Variants in PHF21B observed in about 807,000 individuals in gnomAD.
The protein encoded by PHF21B is PHD finger protein 4.
In PHF21B, 22 loss-of-function variants were observed where a neutral mutation model predicts 62.2. The observed-to-expected ratio is 0.35, with a 90% CI of 0.25 to 0.51. The LOEUF (loss-of-function observed/expected upper bound fraction) is 0.51, where lower values mean the gene tolerates loss of function less well. PHF21B is among the 20% of genes least tolerant of loss of function. The pLI is 0.97. For missense variants in PHF21B, 701 were observed against 707.9 expected (o/e 0.99, Z 0.11); for synonymous variants, 341 against 314.7 (o/e 1.08, Z -0.88).
At chr22:44,932,917 C>G (rs900102357) in intron 2 of PHF21B, among the ~76,000 whole-genome samples, 7 of 152,218 alleles carry the variant, frequency 4.6e-5, no homozygotes, top group African/African-American at 1.7e-4. Flanking sequence ...ACATCTACAC[C>G]CAAGTAACCA....
intron 7 of PHF21B, among the ~76,000 whole-genome samples, chr22:44,892,287 G>A (rs554332466): frequency 4.6e-5 from 7 of 152,210 alleles, no homozygotes; most frequent in South Asian, 2.1e-4. Flanking sequence ...GGTATGAAAC[G>A]GCCCACGTGG....
Position 44,891,306 on chromosome 22 carries a change from C to T in PHF21B, c.1015G>A (p.Ala339Thr). 6.2e-7 allele frequency: 1 copy of T among 1,613,886 alleles called. No homozygotes were observed. The highest frequency in any genetic ancestry group is 8.5e-7 in the Non-Finnish European group (1 of 1,179,976). ...LNNPLFLTAR[A>T]NEDPCWKNEI... ...CAGAAGGCCTGAAGCCGGTGCTTACCTCTCGCTGTGAGGAACAGGGGGTTG... is the reference window on the plus strand; with the variant it reads ...CAGAAGGCCTGAAGCCGGTGCTTACTTCTCGCTGTGAGGAACAGGGGGTTG... The change falls in exon 8 of 13, where the codon GCC (alanine) becomes ACC (threonine). Residue 339 changes from alanine (A) to threonine (T), a missense_variant and splice_region_variant. Ala to Thr is a moderately conservative substitution (Grantham distance 58). Transcript: ENST00000313237.
At chr22:44,971,329 C>T (rs761977408) in intron 2 of PHF21B, 2 of 152,170 alleles carry the variant, frequency 1.3e-5, no homozygotes. Flanking sequence ...CCCTTGAATT[C>T]TTTCTGCCAT....
Position 44,903,767 on chromosome 22 carries a change from T to C in PHF21B, c.832-7684A>G, listed in dbSNP as rs527387051. On this transcript the variant is annotated intron_variant, in intron 5 of 12. Coordinates refer to ENST00000313237, the MANE Select transcript of PHF21B (RefSeq NM_138415.5). ...TTAAGTTCGTGACTGTTAAATTATC[T>C]TGATGGATGTACCTTTAGTATTTAC... Among the ~76,000 whole-genome samples the C allele has an allele frequency of 3.3e-5, 5 of 152,362 alleles. No individual in the cohort carries two copies. In the South Asian group the frequency reaches 6.2e-4, roughly 19 times the overall value.
At chr22:44,888,323 G>T (rs970875310) in intron 9 of PHF21B, among the ~76,000 whole-genome samples, 1 of 152,194 alleles carries the variant, frequency 6.6e-6, no homozygotes, top group Non-Finnish European at 1.5e-5. Context: ...TGGGAGGAGG[G>T]GGGGCACCCA....
intron 5 of PHF21B, among the ~76,000 whole-genome samples, chr22:44,907,099 G>C (rs80221702): frequency 6.6e-6 from 1 of 152,168 alleles, no homozygotes; most frequent in African/African-American, 2.4e-5. Flanking sequence ...TGTCCGTGCC[G>C]CAACCTCACC....
At chr22:44,906,770 C>T (rs560235873) in intron 5 of PHF21B, among the ~76,000 whole-genome samples, 10 of 152,208 alleles carry the variant, frequency 6.6e-5, no homozygotes, top group South Asian at 2.1e-4. Flanking sequence ...TCCTGCCCCC[C>T]GCTACTGTGC....
intron 5 of PHF21B, 34 bp downstream of exon 5, chr22:44,913,788 C>A: frequency 6.3e-7 from 1 of 1,591,400 alleles, no homozygotes; most frequent in South Asian, 1.2e-5. Flanking sequence ...GCAGACTGAG[C>A]AGGGCCTGGG....
intron 3 of PHF21B, among the ~76,000 whole-genome samples, chr22:44,917,634 G>C (rs981892707): frequency 3.9e-5 from 6 of 152,206 alleles, no homozygotes; most frequent in Non-Finnish European, 8.8e-5. Flanking sequence ...AGCAAACTGA[G>C]GTGCATAATG....
At chr22:44,897,120 C>T (rs531301150) in intron 5 of PHF21B, among the ~76,000 whole-genome samples, 1 of 152,222 alleles carries the variant, frequency 6.6e-6, no homozygotes, top group East Asian at 1.9e-4. Flanking sequence ...TGCAGGCCTA[C>T]CCCAGCCTCC....
At chr22:44,906,395 C>T (rs1161768663) in intron 5 of PHF21B, among the ~76,000 whole-genome samples, 2 of 152,200 alleles carry the variant, frequency 1.3e-5, no homozygotes, top group African/African-American at 4.8e-5. Context: ...GCAGTAGCCC[C>T]GGGCAGATAT....
At chr22:44,917,833 G>T (rs2071466207) in intron 3 of PHF21B, among the ~76,000 whole-genome samples, 1 of 152,332 alleles carries the variant, frequency 6.6e-6, no homozygotes, top group South Asian at 2.1e-4. Context: ...CCAAGGCACA[G>T]CGTGCTCTTC....
chr22:44,899,292 T>A (rs2071115295), intron 5 of PHF21B, among the ~76,000 whole-genome samples: 1 of 145,782 alleles, frequency 6.9e-6, no homozygotes, highest in African/African-American at 2.5e-5. Flanking sequence ...ATTCTTTTTT[T>A]TTTTTTTTTT....
At position 44,883,146 on chromosome 22, in the gene PHF21B, C is replaced by T. The variant is rs1182137506; in HGVS notation, c.1536G>A (p.Trp512Ter). The T allele has an allele frequency of 6.2e-7, 1 of 1,612,896 alleles. No homozygotes were observed. Among genetic ancestry groups the T allele is most frequent in the Non-Finnish European group, 8.5e-7 (1 of 1,179,964 alleles). ...GTGTGGCTGCCACTGAGGGCTTGGTCCAGGGCCCGGCCAGCAGTGGGGCAG... is the reference window on the plus strand; with the variant it reads ...GTGTGGCTGCCACTGAGGGCTTGGTTCAGGGCCCGGCCAGCAGTGGGGCAG... ...TSPAPLLAGPWTKPSVAATHP... is the reference protein window; with the variant it reads ...TSPAPLLAGP The change falls in exon 13 of 13, where the codon TGG becomes TGA. Residue 512 changes from tryptophan (W) to a stop codon, truncating the protein, a stop_gained. Transcript: ENST00000313237. LOFTEE classifies it high-confidence loss of function.
chr22:44,978,422 C>T (rs575995020), intron 2 of PHF21B, among the ~76,000 whole-genome samples: 2 of 152,304 alleles, frequency 1.3e-5, no homozygotes, highest in East Asian at 3.9e-4. Context: ...TGCAGTGGCG[C>T]GATCTAGGCT....
intron 2 of PHF21B, among the ~76,000 whole-genome samples, chr22:44,950,677 G>T (rs1433097394): frequency 6.6e-6 from 1 of 152,148 alleles, no homozygotes; most frequent in African/African-American, 2.4e-5. Context: ...GGCTTCACTG[G>T]ATAGCCAGTG....
At chr22:44,930,668 G>A (rs2071724231) in intron 2 of PHF21B, among the ~76,000 whole-genome samples, 1 of 152,220 alleles carries the variant, frequency 6.6e-6, no homozygotes, top group Non-Finnish European at 1.5e-5. Context: ...GGAGGGGCCT[G>A]CCACCAGGGG....
chr22:44,986,773 C>A (rs1199626505), intron 2 of PHF21B, among the ~76,000 whole-genome samples: 1 of 152,064 alleles, frequency 6.6e-6, no homozygotes, highest in Non-Finnish European at 1.5e-5. Flanking sequence ...TGCCAGTGTT[C>A]CTGGAGCTGG....
chr22:44,894,196 CCTT>C (rs762924953), intron 6 of PHF21B, among the ~76,000 whole-genome samples: 9 of 152,148 alleles, frequency 5.9e-5, no homozygotes, highest in Non-Finnish European at 1.2e-4. Context: ...GGCACTCAGA[CCTT>C]CTGTGGAATA....
Sources: gnomAD v4.1 joint callset for allele counts (sites outside exome capture counted in the v4.1 genomes callset) on GRCh38, gnomAD v4.1.1 for gene constraint, MANE v1.5 for transcripts, NCBI Gene and HGNC (gene_info 2026-07-23, HGNC 2026-07-21) for gene names.